AHDC1: variants seen among roughly 807,000 people sequenced by gnomAD.
The protein encoded by AHDC1 is transcription factor Gibbin.
In AHDC1, 7 loss-of-function variants were observed where a neutral mutation model predicts 87.9. That is an observed-to-expected ratio of 0.08 (90% CI 0.05 to 0.15). The LOEUF is 0.15. AHDC1 is among the 10% of genes least tolerant of loss of function. The probability of loss-of-function intolerance (pLI) is 1.00; values close to 1 mark genes in which losing one functional copy is unlikely to be tolerated. For missense variants in AHDC1, 1,841 were observed against 2,253.2 expected (o/e 0.82, Z 3.70); for synonymous variants, 1,051 against 1,006.8 (o/e 1.04, Z -0.83).
chr1:27,594,488 C>T (rs950920469), intron 3 of AHDC1, among the ~76,000 whole-genome samples: 1 of 152,226 alleles, frequency 6.6e-6, no homozygotes, highest in African/African-American at 2.4e-5. Context: ...TGCCAAGGGG[C>T]TCTGCCCCCA....
intron 3 of AHDC1, among the ~76,000 whole-genome samples, chr1:27,583,221 T>A: frequency 6.6e-6 from 1 of 152,260 alleles, no homozygotes; most frequent in East Asian, 1.9e-4. Flanking sequence ...ACCCTCCCTA[T>A]GTCCTTGAGG....
At chr1:27,582,141 T>A (rs2088925920) in intron 3 of AHDC1, among the ~76,000 whole-genome samples, 1 of 152,214 alleles carries the variant, frequency 6.6e-6, no homozygotes, top group Non-Finnish European at 1.5e-5. Context: ...TTGACCCACC[T>A]CGGCACTGCC....
chr1:27,587,438 G>A (rs747011792), intron 3 of AHDC1, among the ~76,000 whole-genome samples: 2 of 152,202 alleles, frequency 1.3e-5, no homozygotes, highest in South Asian at 2.1e-4. Flanking sequence ...TCCTGCCCTC[G>A]GCCTTGCTGT....
Position 27,552,084 on chromosome 1 carries a change from G to A in AHDC1, c.32C>T (p.Thr11Ile). MRVKPQGLVV[T>I]SSAVCSSPDY... ...AGGAGAGCTGCACACGGCACTGGAA[G>A]TCACCACCAGGCCCTGGGGCTTCAC... The change falls in exon 8 of 9, where the codon ACT becomes ATT. Residue 11 changes from threonine (T) to isoleucine (I), a missense_variant. This residue lies in a region of AHDC1 where 142 missense variants were observed against 165.6 expected (regional missense o/e 0.86). Coordinates refer to ENST00000673934, the MANE Select transcript of AHDC1 (RefSeq NM_001371928.1). 1 of 1,486,188 alleles carries A rather than the reference G, an allele frequency of 6.7e-7. No homozygotes were observed. Among genetic ancestry groups the A allele is most frequent in the Non-Finnish European group, 8.9e-7 (1 of 1,118,928 alleles). The allele number at this position is 1,486,188 out of a possible 1,614,324, so 92.1% of individuals were successfully genotyped here. A position where few individuals can be genotyped will look rare whatever the true frequency, so the allele number is the denominator to read the frequency against.
intron 3 of AHDC1, among the ~76,000 whole-genome samples, chr1:27,582,258 T>C (rs2148442539): frequency 6.6e-6 from 1 of 152,362 alleles, no homozygotes; most frequent in African/African-American, 2.4e-5. Flanking sequence ...GTCCTCAAAG[T>C]CATGACTCTT....
intron 5 of AHDC1, among the ~76,000 whole-genome samples, chr1:27,557,045 G>C (rs1046180623): frequency 2.0e-5 from 2 of 97,602 alleles, no homozygotes; most frequent in Non-Finnish European, 3.9e-5. Context: ...CAGCCACACA[G>C]AGCTCCTTTG....
At chr1:27,599,391 C>T (rs1473935285) in intron 3 of AHDC1, among the ~76,000 whole-genome samples, 4 of 152,166 alleles carry the variant, frequency 2.6e-5, no homozygotes, top group Non-Finnish European at 5.9e-5. Context: ...CCGGCAGCAG[C>T]GGCGCCTCCC....
rs1168453025 is a variant in AHDC1, at chr1:27,603,744, C to T, written c.-743G>A. Reference sequence around the variant, plus strand: ...ATAGCAAACCTGGGAGGGAACGCGCCCCGCGTAGTCCTCCTGCTCCTCCTC... The same window carrying T: ...ATAGCAAACCTGGGAGGGAACGCGCTCCGCGTAGTCCTCCTGCTCCTCCTC... On this transcript the variant is annotated 5_prime_UTR_variant, in exon 2 of 9. Coordinates refer to ENST00000673934, the MANE Select transcript of AHDC1 (RefSeq NM_001371928.1). The T allele has an allele frequency of 6.7e-6, 1 of 149,978 alleles. No individual in the cohort carries two copies. Among genetic ancestry groups the T allele is most frequent in the East Asian group, 2.0e-4 (1 of 4,946 alleles). The allele number at this position is 149,978 out of a possible 1,614,324, so 9.3% of individuals were successfully genotyped here.
chr1:27,597,973 C>T (rs1006984083), intron 3 of AHDC1, among the ~76,000 whole-genome samples: 9 of 152,274 alleles, frequency 5.9e-5, no homozygotes, highest in African/African-American at 1.4e-4. Context: ...TCCATCTGTC[C>T]GTCTCTCTCC....
intron 5 of AHDC1, among the ~76,000 whole-genome samples, chr1:27,557,819 TAC>T (rs2148329453): frequency 6.6e-6 from 1 of 152,226 alleles, no homozygotes; most frequent in African/African-American, 2.4e-5. Flanking sequence ...GGGTACCACA[TAC>T]ACAGCCCTTG....
rs201594464 is a variant in AHDC1, at chr1:27,551,652, G to A, written c.464C>T (p.Pro155Leu). The A allele has an allele frequency of 5.0e-6, 8 of 1,613,346 alleles. No individual in the cohort carries two copies. Among genetic ancestry groups the A allele is most frequent in the East Asian group, 2.2e-5 (1 of 44,864 alleles). The change falls in exon 8 of 9, where the codon CCG becomes CTG. Residue 155 changes from proline to leucine, a missense_variant. By Grantham distance (98) the Pro-to-Leu change is moderately conservative. Coordinates refer to ENST00000673934, the MANE Select transcript of AHDC1 (RefSeq NM_001371928.1). ...LDCGGLRLSR[P>L]PAPPPGDLQY... ...TAGGTCGCCGGGTGGCGGTGCAGGC[G>A]GGCGGCTCAGTCGGAGCCCACCACA... is the stretch of plus-strand genomic sequence containing the variant.
intron 3 of AHDC1, among the ~76,000 whole-genome samples, chr1:27,599,353 T>TCCTCTCTCGCCTCCCTC (rs2089467122): frequency 6.6e-6 from 1 of 151,710 alleles, no homozygotes; most frequent in African/African-American, 2.4e-5. Context: ...CTGTTTCCCC[T>TCCTCTCTCGCCTCCCTC]CCTCTCTCGC....
At chr1:27,541,025 A>C (rs1330806130) in intron 8 of AHDC1, among the ~76,000 whole-genome samples, 7 of 136,502 alleles carry the variant, frequency 5.1e-5, no homozygotes, top group East Asian at 2.1e-4. Flanking sequence ...AAAAAAAAAA[A>C]ACAACAACAA....
chr1:27,570,783 C>A (rs540984676), intron 3 of AHDC1, among the ~76,000 whole-genome samples: 1 of 152,288 alleles, frequency 6.6e-6, no homozygotes, highest in African/African-American at 2.4e-5. Context: ...GAGATGGACT[C>A]AAGCTTTATG....
chr1:27,540,409 A>AC (rs111675982), intron 8 of AHDC1, among the ~76,000 whole-genome samples: 4,453 of 151,842 alleles, frequency 0.029, 227 homozygotes, highest in African/African-American at 0.098. Flanking sequence ...AAAAAAAAAA[A>AC]ACAAAAAAAC....
chr1:27,600,479 A>C (rs1191790267), intron 3 of AHDC1, among the ~76,000 whole-genome samples: 1 of 152,026 alleles, frequency 6.6e-6, no homozygotes, highest in Non-Finnish European at 1.5e-5. Flanking sequence ...AAAAAACAAA[A>C]AAAATTGAAA....
intron 3 of AHDC1, among the ~76,000 whole-genome samples, chr1:27,600,457 C>T (rs1356801806): frequency 1.5e-5 from 2 of 137,090 alleles, no homozygotes; most frequent in Non-Finnish European, 3.1e-5. Flanking sequence ...CTGTGTTCTA[C>T]AAACCAAAAA....
At chr1:27,568,698 C>T (rs1477622356) in intron 3 of AHDC1, among the ~76,000 whole-genome samples, 4 of 151,754 alleles carry the variant, frequency 2.6e-5, no homozygotes, top group African/African-American at 9.7e-5. Flanking sequence ...CCCTTTCCCC[C>T]GGCCGCGGCG....
intron 8 of AHDC1, among the ~76,000 whole-genome samples, chr1:27,543,216 G>A (rs549133404): frequency 1.1e-4 from 16 of 152,306 alleles, no homozygotes; most frequent in Non-Finnish European, 2.9e-5. Flanking sequence ...AGAGGGACTC[G>A]AGAATCCTGA....
Sources: allele counts gnomAD v4.1 joint callset (sites outside exome capture counted in the v4.1 genomes callset), GRCh38; gene constraint gnomAD v4.1.1; regional missense constraint gnomAD v4.1.1; transcripts MANE v1.5; gene names NCBI Gene and HGNC (gene_info 2026-07-23, HGNC 2026-07-21).